SPTLC2: variants seen among roughly 807,000 people sequenced by gnomAD.
SPTLC2 encodes the protein serine palmitoyltransferase 2.
Under a neutral mutation model 62.0 loss-of-function variants are expected in SPTLC2, and 21 were observed. The observed-to-expected ratio is 0.34, with a 90% confidence interval of 0.24 to 0.49. The LOEUF is 0.49. Among genes scored for constraint, SPTLC2 ranks in the 20% least tolerant of loss-of-function variants. The probability of loss-of-function intolerance (pLI) is 0.99; values close to 1 mark genes in which losing one functional copy is unlikely to be tolerated. For synonymous variants in SPTLC2, 261 were observed against 261.8 expected (o/e 1.00, Z 0.03); for missense variants, 511 against 713.0 (o/e 0.72, Z 3.23).
At chr14:77,531,608 G>T (rs2079441533) in intron 9 of SPTLC2, among the ~76,000 whole-genome samples, 1 of 151,640 alleles carries the variant, frequency 6.6e-6, no homozygotes, top group Non-Finnish European at 1.5e-5. Flanking sequence ...CCACCTCCCA[G>T]GTTTAAACGA....
intron 9 of SPTLC2, among the ~76,000 whole-genome samples, chr14:77,541,015 TTTTATTTA>T (rs34700249): frequency 1.3e-3 from 191 of 148,092 alleles, no homozygotes; most frequent in African/African-American, 3.4e-3. Context: ...TTGCAAAACA[TTTTATTTA>T]TTTATTTATT....
chr14:77,583,522 T>G (rs2079764993), intron 2 of SPTLC2, among the ~76,000 whole-genome samples: 1 of 152,170 alleles, frequency 6.6e-6, no homozygotes, highest in African/African-American at 2.4e-5. Context: ...GACAGTTCTC[T>G]CCGCAAAGAG....
intron 2 of SPTLC2, 122 bp downstream of exon 2, chr14:77,597,064 G>T: frequency 1.1e-6 from 1 of 902,118 alleles, no homozygotes; most frequent in Non-Finnish European, 1.7e-6. Flanking sequence ...TCATTTAACT[G>T]CATCTGGAAT....
chr14:77,583,390 A>G (rs2079764060), intron 2 of SPTLC2, among the ~76,000 whole-genome samples: 1 of 152,016 alleles, frequency 6.6e-6, no homozygotes, highest in East Asian at 1.9e-4. Context: ...AACTTTAAAC[A>G]CTCTAAGACC....
At chr14:77,546,149 GC>G (rs1407346670) in intron 9 of SPTLC2, among the ~76,000 whole-genome samples, 5 of 152,190 alleles carry the variant, frequency 3.3e-5, no homozygotes, top group Non-Finnish European at 7.3e-5. Context: ...AGAAGTAGAA[GC>G]AGATGGAGTT....
rs1364157223 is a variant in SPTLC2, at chr14:77,579,023, G to A, written c.414C>T (p.Ile138=). 9.9e-6 allele frequency: 16 copies of A among 1,613,962 alleles called. No homozygotes were observed. In the Admixed American group the frequency reaches 2.3e-4, roughly 24 times the overall value. ...MRIRDNWNRP[I]CSVPGARVDI... ...CCACCCTGGCTCCAGGCACACTACA[G>A]ATTGGCCGATTCCAGTTGTCTCTTA... The change falls in exon 3 of 12, where the codon ATC becomes ATT. Residue 138 remains isoleucine, a synonymous_variant. Transcript: ENST00000216484.
At chr14:77,583,978 G>A (rs1005212568) in intron 2 of SPTLC2, among the ~76,000 whole-genome samples, 4 of 152,074 alleles carry the variant, frequency 2.6e-5, no homozygotes, top group Middle Eastern at 3.2e-3. Context: ...ACCTACTCGC[G>A]ACTAAATGCT....
chr14:77,552,763 G>A (rs8014527), intron 8 of SPTLC2, among the ~76,000 whole-genome samples: 60,609 of 148,994 alleles, frequency 0.41, 12,591 homozygotes, highest in Admixed American at 0.46. Context: ...CTGAGATTGC[G>A]CCATTGCACT....
chr14:77,565,316 A>G (rs2079638973), intron 5 of SPTLC2, among the ~76,000 whole-genome samples: 2 of 151,910 alleles, frequency 1.3e-5, no homozygotes, highest in Non-Finnish European at 2.9e-5. Context: ...GATGCATACT[A>G]AAGTTAGTGG....
At chr14:77,585,143 A>T (rs1003633441) in intron 2 of SPTLC2, among the ~76,000 whole-genome samples, 4 of 152,206 alleles carry the variant, frequency 2.6e-5, no homozygotes, top group African/African-American at 9.7e-5. Context: ...TCGCCCCTCC[A>T]CAAAGCCATA....
intron 9 of SPTLC2, among the ~76,000 whole-genome samples, chr14:77,546,879 G>A (rs1013788443): frequency 2.0e-4 from 30 of 152,122 alleles, no homozygotes; most frequent in Non-Finnish European, 2.6e-4. Flanking sequence ...ACAGGCATGC[G>A]CCACCACGCC....
At chr14:77,559,710 C>G (rs190371398) in intron 6 of SPTLC2, among the ~76,000 whole-genome samples, 1 of 152,016 alleles carries the variant, frequency 6.6e-6, no homozygotes, top group East Asian at 1.9e-4. Flanking sequence ...GGCAACACAG[C>G]GAGACTTTGT....
chr14:77,552,111 C>T lies in SPTLC2; in HGVS notation c.1288G>A (p.Asp430Asn). The T allele has an allele frequency of 6.2e-7, 1 of 1,614,140 alleles. No individual in the cohort carries two copies. Among genetic ancestry groups the T allele is most frequent in the Non-Finnish European group, 8.5e-7 (1 of 1,180,022 alleles). ...ITSMKCIMGQ[D>N]GTSLGKECVQ... ...AAAGACTTACCAAGGCTGGTGCCATCCTGCCCCATGATGCACTTCATGGAG... is the reference window on the plus strand; with the variant it reads ...AAAGACTTACCAAGGCTGGTGCCATTCTGCCCCATGATGCACTTCATGGAG... The change falls in exon 9 of 12, where the codon GAT becomes AAT. Residue 430 changes from aspartate (D) to asparagine (N), a missense_variant. By Grantham distance (23) the Asp-to-Asn change is conservative. Coordinates refer to ENST00000216484, the MANE Select transcript of SPTLC2 (RefSeq NM_004863.4).
chr14:77,552,031 A>T, intron 9 of SPTLC2, 65 bp downstream of exon 9: 1 of 1,599,982 alleles, frequency 6.3e-7, no homozygotes. Context: ...AAAAAAGCTC[A>T]AGAAAAACAG....
intron 9 of SPTLC2, among the ~76,000 whole-genome samples, chr14:77,530,103 A>G (rs752270043): frequency 4.6e-5 from 7 of 152,174 alleles, no homozygotes; most frequent in Non-Finnish European, 8.8e-5. Flanking sequence ...CAACAGCTTA[A>G]TCTCATCTCA....
intron 1 of SPTLC2, among the ~76,000 whole-genome samples, chr14:77,603,106 A>T (rs1277986019): frequency 6.6e-6 from 1 of 152,258 alleles, no homozygotes; most frequent in Non-Finnish European, 1.5e-5. Flanking sequence ...TTATAATCCA[A>T]TAACAGTGAA....
intron 9 of SPTLC2, among the ~76,000 whole-genome samples, chr14:77,551,413 A>AAAAAC: frequency 7.0e-6 from 1 of 142,982 alleles, no homozygotes; most frequent in Admixed American, 7.0e-5. Flanking sequence ...AAAAAAAAAA[A>AAAAAC]GCGACAAGTG....
In SPTLC2 at chr14:77,552,123, T is replaced by A; in HGVS notation, c.1276A>T (p.Ile426Phe). The change falls in exon 9 of 12, where the codon ATC (isoleucine) becomes TTC (phenylalanine). Residue 426 changes from isoleucine to phenylalanine, a missense_variant. Coordinates refer to ENST00000216484, the MANE Select transcript of SPTLC2 (RefSeq NM_004863.4). ...VEQIITSMKC[I>F]MGQDGTSLGK... ...AGGCTGGTGCCATCCTGCCCCATGA[T>A]GCACTTCATGGAGGTGATGATCTGC... is the stretch of plus-strand genomic sequence containing the variant. The A allele has an allele frequency of 2.5e-6, 4 of 1,614,146 alleles. No individual in the cohort carries two copies. The highest frequency in any genetic ancestry group is 3.4e-6 in the Non-Finnish European group (4 of 1,180,012).
chr14:77,518,106 T>A lies in SPTLC2; in HGVS notation c.1501A>T (p.Thr501Ser). ...CTGGCTCTGGACTCAATAATTGGGG[T>A]GGCAGGAAATCCAACCACAACGACA... ...IGVVVVGFPA[T>S]PIIESRARFC... is the part of the protein sequence containing the mutation. The change falls in exon 11 of 12, where the codon ACC (threonine) becomes TCC (serine). Residue 501 changes from threonine (T) to serine (S), a missense_variant. By Grantham distance (58) the Thr-to-Ser change is moderately conservative. Transcript: ENST00000216484. 1.2e-6 allele frequency: 2 copies of A among 1,614,096 alleles called. No individual in the cohort carries two copies. Among genetic ancestry groups the A allele is most frequent in the Non-Finnish European group, 1.7e-6 (2 of 1,180,024 alleles).
Sources: gnomAD v4.1 joint callset for allele counts (sites outside exome capture counted in the v4.1 genomes callset) on GRCh38, gnomAD v4.1.1 for gene constraint, MANE v1.5 for transcripts, NCBI Gene and HGNC (gene_info 2026-07-23, HGNC 2026-07-21) for gene names.